Variants in NCOR1 observed in about 807,000 individuals in gnomAD.
NCOR1 encodes nuclear receptor corepressor 1, also known as protein phosphatase 1, regulatory subunit 109.
Under a neutral mutation model 288.1 loss-of-function variants are expected in NCOR1, and 63 were observed. The ratio of observed to expected loss-of-function variants is 0.22; its 90% CI spans 0.18 to 0.27. NCOR1 has a LOEUF of 0.27. NCOR1 is among the 10% of genes least tolerant of loss of function. The pLI is 1.00. For synonymous variants in NCOR1, 1,007 were observed against 1,065.9 expected (o/e 0.94, Z 1.08); for missense variants, 2,397 against 3,019.2 (o/e 0.79, Z 4.83).
At chr17:16,130,494 C>G (rs1219255202) in intron 14 of NCOR1, among the ~76,000 whole-genome samples, 1 of 152,150 alleles carries the variant, frequency 6.6e-6, no homozygotes. Context: ...TTTTCCTTTT[C>G]TCCCCTTCTT....
intron 1 of NCOR1, among the ~76,000 whole-genome samples, chr17:16,200,662 C>T (rs1461811894): frequency 2.6e-5 from 4 of 152,116 alleles, no homozygotes; most frequent in Non-Finnish European, 4.4e-5. Flanking sequence ...GTAATTTTTA[C>T]GTGATAAAAT....
intron 26 of NCOR1, among the ~76,000 whole-genome samples, chr17:16,077,673 T>TA (rs1190817101): frequency 2.6e-5 from 4 of 151,966 alleles, no homozygotes; most frequent in Non-Finnish European, 4.4e-5. Flanking sequence ...AAATGCTTTC[T>TA]AAGAGTTTGT....
chr17:16,187,410 A>T lies in NCOR1; in HGVS notation c.109-723T>A, dbSNP rs188441169. On this transcript the variant is annotated intron_variant, in intron 2 of 45. Coordinates refer to ENST00000268712, the MANE Select transcript of NCOR1 (RefSeq NM_006311.4). ...TTCACAACAGCCAAAAAATAAAAAC[A>T]ACCAAAATGTCCATCAACTAATGAA... Among the ~76,000 whole-genome samples the T allele has an allele frequency of 2.7e-5, 4 of 150,046 alleles. No individual in the cohort carries two copies. In the East Asian group the frequency reaches 5.8e-4, roughly 22 times the overall value.
chr17:16,128,593 T>C (rs2075117061), intron 14 of NCOR1, among the ~76,000 whole-genome samples: 1 of 152,246 alleles, frequency 6.6e-6, no homozygotes, highest in African/African-American at 2.4e-5. Flanking sequence ...ATTCCAGTTA[T>C]CTGAAAAGTT....
chr17:16,089,051 G>A (rs2064731328), intron 22 of NCOR1, among the ~76,000 whole-genome samples: 1 of 149,900 alleles, frequency 6.7e-6, no homozygotes, highest in Non-Finnish European at 1.5e-5. Context: ...AAAATCCAAT[G>A]TCTGATTATT....
chr17:16,130,165 G>C (rs1478353046), intron 14 of NCOR1, among the ~76,000 whole-genome samples: 2 of 152,216 alleles, frequency 1.3e-5, no homozygotes, highest in Non-Finnish European at 2.9e-5. Context: ...GAGCGGAGAG[G>C]AAGTGCAGTC....
intron 23 of NCOR1, among the ~76,000 whole-genome samples, chr17:16,081,444 T>C (rs1210082177): frequency 1.3e-5 from 2 of 151,154 alleles, no homozygotes; most frequent in Admixed American, 6.6e-5. Context: ...CTTTGTGGCA[T>C]TTTAACTTGT....
intron 43 of NCOR1, 40 bp from the exon 44 acceptor site, chr17:16,039,694 G>C (rs1185217553): frequency 2.6e-6 from 4 of 1,550,296 alleles, no homozygotes; most frequent in Non-Finnish European, 3.5e-6. Flanking sequence ...ATTTCTGAAA[G>C]GCCAATCAGG....
intron 11 of NCOR1, among the ~76,000 whole-genome samples, chr17:16,141,461 C>G (rs991908830): frequency 6.6e-6 from 1 of 152,074 alleles, no homozygotes; most frequent in Admixed American, 6.5e-5. Context: ...TAGTTCTATA[C>G]CTCCTCCAGG....
chr17:16,065,798 G>T, intron 32 of NCOR1, 104 bp from the exon 33 acceptor site: 1 of 997,962 alleles, frequency 1.0e-6, no homozygotes, highest in Non-Finnish European at 1.5e-6. Context: ...TGCTGAGCTA[G>T]TGCACATGGA....
rs369563712 is a variant in NCOR1 at position 16,189,384 on chromosome 17, ACT to A, written c.109-2699_109-2698del. Among the ~76,000 whole-genome samples, 35 of 152,210 alleles carry A rather than the reference ACT, an allele frequency of 2.3e-4. No homozygotes were observed. In the East Asian group the frequency reaches 4.2e-3, roughly 18 times the overall value. On this transcript the variant is annotated intron_variant, in intron 2 of 45. Coordinates refer to ENST00000268712, the MANE Select transcript of NCOR1 (RefSeq NM_006311.4). ...ACTTCAGCCTGGGCAACAGAGTGAG[ACT>A]CTGTCTCAAAAAATAAAAAAAAAAT...
chr17:16,070,921 C>T (rs568496615), intron 30 of NCOR1, among the ~76,000 whole-genome samples: 8 of 152,028 alleles, frequency 5.3e-5, no homozygotes, highest in South Asian at 2.1e-4. Flanking sequence ...CTCAGCTACT[C>T]GGGAGGCTGG....
intron 4 of NCOR1, among the ~76,000 whole-genome samples, chr17:16,169,411 T>G (rs2082688356): frequency 6.6e-6 from 1 of 152,260 alleles, no homozygotes; most frequent in African/African-American, 2.4e-5. Context: ...TCAAGCTTAT[T>G]TAACTCTTCT....
chr17:16,029,445 A>C lies in NCOR1; in HGVS notation c.*2851T>G, dbSNP rs1971759900. 1 of 288,946 alleles carries C rather than the reference A, an allele frequency of 3.5e-6. No individual in the cohort carries two copies. Among genetic ancestry groups the C allele is most frequent in the Admixed American group, 4.7e-5 (1 of 21,154 alleles). The allele number at this position is 288,946 out of a possible 1,614,324, so 17.9% of individuals were successfully genotyped here. On this transcript the variant is annotated 3_prime_UTR_variant, in exon 46 of 46. Transcript: ENST00000268712. ...TTTTCTGGGCATAAATATTTTTAAA[A>C]TAGAATCACTCAGTGTACCAAAATT...
intron 9 of NCOR1, among the ~76,000 whole-genome samples, chr17:16,148,839 T>C (rs1202093785): frequency 6.6e-6 from 1 of 152,142 alleles, no homozygotes; most frequent in African/African-American, 2.4e-5. Context: ...TCATTTTTGA[T>C]GTCGATTTAA....
chr17:16,072,673 A>C (rs2061898084), intron 28 of NCOR1, among the ~76,000 whole-genome samples: 1 of 152,242 alleles, frequency 6.6e-6, no homozygotes, highest in African/African-American at 2.4e-5. Flanking sequence ...AAGAAGCTTC[A>C]CATTATTGTT....
chr17:16,205,655 A>AG lies in NCOR1; in HGVS notation c.-71+9706dup, dbSNP rs397954951. ...GAAAAGAAAAGAAGAAAAAAAAAAA[A>AG]GGTTGGGCGCAGTGGCTCATGCCTG... On this transcript the variant is annotated intron_variant, in intron 1 of 45. Coordinates refer to ENST00000268712, the MANE Select transcript of NCOR1 (RefSeq NM_006311.4). 7.2e-4 allele frequency among the ~76,000 whole-genome samples: 95 copies of AG among 132,194 alleles called. 1 individual carries two copies. The highest frequency in any genetic ancestry group is 2.6e-3 in the African/African-American group (91 of 34,870). The allele number at this position is 132,194 out of a possible 152,430, so 86.7% of individuals were successfully genotyped here.
At chr17:16,051,294 G>T (rs191518714) in intron 40 of NCOR1, among the ~76,000 whole-genome samples, 59 of 152,164 alleles carry the variant, frequency 3.9e-4, no homozygotes, top group Non-Finnish European at 1.8e-4. Context: ...CCATTTTTAA[G>T]ATTTATTGCA....
At chr17:16,168,894 G>A (rs1456069388) in intron 4 of NCOR1, among the ~76,000 whole-genome samples, 2 of 150,886 alleles carry the variant, frequency 1.3e-5, no homozygotes, top group East Asian at 3.9e-4. Flanking sequence ...TTGCTGGGAG[G>A]TATAGGTTGC....
Sources: allele counts gnomAD v4.1 joint callset (sites outside exome capture counted in the v4.1 genomes callset), GRCh38; gene constraint gnomAD v4.1.1; transcripts MANE v1.5; gene names NCBI Gene and HGNC (gene_info 2026-07-23, HGNC 2026-07-21).